The following MFSD1 variants were observed in gnomAD, a reference collection of about 807,000 sequenced individuals.
The protein encoded by MFSD1 is lysosomal dipeptide transporter MFSD1.
In MFSD1, 59 loss-of-function variants were observed where a neutral mutation model predicts 67.1. The observed-to-expected ratio is 0.88, with a 90% CI of 0.71 to 1.09. MFSD1 has a LOEUF of 1.09. Ranked by LOEUF, MFSD1 falls within the 50% of genes least tolerant of loss-of-function variation. MFSD1 has a pLI of 0.00. For synonymous variants in MFSD1, 213 were observed against 200.3 expected, an observed-to-expected ratio of 1.06 and a Z score of -0.54; for missense variants, 552 against 566.1, an observed-to-expected ratio of 0.97 and a Z score of 0.25.
intron 8 of MFSD1, 49 bp from the exon 9 acceptor site, chr3:158,820,166 C>T (rs1454921726): frequency 1.0e-6 from 1 of 1,002,562 alleles, no homozygotes; most frequent in East Asian, 2.4e-5. Context: ...ATGAAAGCTC[C>T]TTAGGTATGC....
At chr3:158,811,184 G>A (rs1268402019) in intron 6 of MFSD1, among the ~76,000 whole-genome samples, 4 of 152,200 alleles carry the variant, frequency 2.6e-5, no homozygotes, top group Non-Finnish European at 5.9e-5. Context: ...GAAAAACAAC[G>A]GAGGCGCTCA....
chr3:158,821,482 A>G, intron 9 of MFSD1, 115 bp from the exon 10 acceptor site: 1 of 665,634 alleles, frequency 1.5e-6, no homozygotes, highest in Non-Finnish European at 2.6e-6. Flanking sequence ...ATAAGGTGGG[A>G]GAATAATATC....
In MFSD1 at chr3:158,821,907, A is replaced by G. The variant is rs965662337; in HGVS notation, c.921-77A>G. On this transcript the variant is annotated intron_variant, in intron 10 of 15. Coordinates refer to ENST00000415822, the MANE Select transcript of MFSD1 (RefSeq NM_022736.4). ...AATGAGTTAGGATTTGCTTTGCCTG[A>G]TATTTTCAAGACTTTCTTGAAACTG... 15 of 1,472,676 alleles carry G rather than the reference A, an allele frequency of 1.0e-5. No individual in the cohort carries two copies. In the African/African-American group the frequency reaches 1.9e-4, roughly 19 times the overall value. The allele number at this position is 1,472,676 out of a possible 1,614,324, so 91.2% of individuals were successfully genotyped here.
rs767754362 is a variant in MFSD1 at position 158,813,999 on chromosome 3, T to C, written c.584T>C (p.Leu195Pro). Residue 195 changes from leucine to proline, a missense_variant, in exon 7 of 16, where the codon CTG (leucine) becomes CCG (proline). Physicochemically the swap from Leu to Pro is moderately conservative, Grantham distance 98. Coordinates refer to ENST00000415822, the MANE Select transcript of MFSD1 (RefSeq NM_022736.4). ...GTAAACATGAACCTCATGGGATGGC[T>C]GTATTCTAAGATTGAAGCTTTGTTA... ...STVNMNLMGW[L>P]YSKIEALLGS... 2.2e-5 allele frequency: 35 copies of C among 1,613,676 alleles called. No homozygotes were observed. The highest frequency in any genetic ancestry group is 3.0e-5 in the Non-Finnish European group (35 of 1,179,792).
At chr3:158,825,624 C>G (rs994625190) in intron 13 of MFSD1, among the ~76,000 whole-genome samples, 1 of 152,060 alleles carries the variant, frequency 6.6e-6, no homozygotes, top group Non-Finnish European at 1.5e-5. Flanking sequence ...CTTAAAGCCC[C>G]CAAAAGACTA....
At chr3:158,828,610 A>G (rs570213267) in intron 15 of MFSD1, among the ~76,000 whole-genome samples, 2 of 152,298 alleles carry the variant, frequency 1.3e-5, no homozygotes, top group South Asian at 4.1e-4. Context: ...AACATGCCGT[A>G]TGCTAAGTAA....
chr3:158,822,013 C>T lies in MFSD1; in HGVS notation c.950C>T (p.Ser317Phe). The T allele has an allele frequency of 6.2e-7, 1 of 1,613,782 alleles. No homozygotes were observed. Among genetic ancestry groups the T allele is most frequent in the Non-Finnish European group, 8.5e-7 (1 of 1,179,756 alleles). ...SVVYVISAPM[S>F]PVFGLLVDKT... ...GTATATGTCATATCAGCTCCCATGT[C>T]CCCGGTGTTTGGGCTCCTGGTGGAT... The change falls in exon 11 of 16, where the codon TCC becomes TTC. Residue 317 changes from serine (S) to phenylalanine (F), a missense_variant. Physicochemically the swap from Ser to Phe is radical, Grantham distance 155 (BLOSUM62 -2). Transcript: ENST00000415822.
chr3:158,809,146 A>T (rs777780393), intron 5 of MFSD1, 33 bp from the exon 6 acceptor site: 17 of 1,417,460 alleles, frequency 1.2e-5, no homozygotes, highest in African/African-American at 1.5e-5. Flanking sequence ...TAAAGTTGTG[A>T]CTTCTGGTTT....
In MFSD1 at chr3:158,809,251, C is replaced by A. The variant is rs775046193; in HGVS notation, c.513C>A (p.Asn171Lys). The A allele has an allele frequency of 1.2e-6, 2 of 1,603,338 alleles. No individual in the cohort carries two copies. The highest frequency in any genetic ancestry group is 3.4e-5 in the Admixed American group (2 of 58,990). ...AVSWFKGKEL[N>K]LVFGLQLSMA... Reference sequence around the variant, plus strand: ...GCTGGTTTAAAGGCAAAGAATTAAACCTGGTGTTTGGACTTCAACTTAGCA... The same window carrying A: ...GCTGGTTTAAAGGCAAAGAATTAAAACTGGTGTTTGGACTTCAACTTAGCA... The change falls in exon 6 of 16, where the codon AAC (asparagine) becomes AAA (lysine). Residue 171 changes from asparagine to lysine, a missense_variant. Coordinates refer to ENST00000415822, the MANE Select transcript of MFSD1 (RefSeq NM_022736.4).
chr3:158,807,103 C>G (rs1331902528), intron 4 of MFSD1, 21 bp downstream of exon 4: 1 of 1,600,144 alleles, frequency 6.2e-7, no homozygotes, highest in Non-Finnish European at 8.6e-7. Context: ...CCAAAACATT[C>G]ATTGATTATT....
intron 6 of MFSD1, among the ~76,000 whole-genome samples, chr3:158,811,686 C>T (rs1050982769): frequency 2.0e-5 from 3 of 152,144 alleles, no homozygotes; most frequent in Non-Finnish European, 4.4e-5. Flanking sequence ...ATGTCAACTG[C>T]GTGAAATGCT....
Position 158,802,058 on chromosome 3 carries a change from A to G in MFSD1, c.-95A>G, listed in dbSNP as rs1200884228. The G allele has an allele frequency of 6.5e-7, 1 of 1,550,048 alleles. No individual in the cohort carries two copies. The highest frequency in any genetic ancestry group is 1.4e-5 in the African/African-American group (1 of 73,822). ...GGGCGTCACGTGAGCTCCCGGAGTC[A>G]TGTGACCGCCGTCTTGACAGTGTTC... On this transcript the variant is annotated 5_prime_UTR_variant, in exon 1 of 16. The change abolishes an upstream ATG in the 5' untranslated region. Coordinates refer to ENST00000415822, the MANE Select transcript of MFSD1 (RefSeq NM_022736.4).
chr3:158,826,655 T>C (rs1460575349), intron 14 of MFSD1, among the ~76,000 whole-genome samples: 1 of 151,314 alleles, frequency 6.6e-6, no homozygotes, highest in Non-Finnish European at 1.5e-5. Context: ...TTTTTTATTT[T>C]AATAGTTTTT....
At chr3:158,823,740 G>A (rs1489066097) in intron 12 of MFSD1, among the ~76,000 whole-genome samples, 1 of 152,120 alleles carries the variant, frequency 6.6e-6, no homozygotes, top group East Asian at 1.9e-4. Flanking sequence ...CCCAGAAGAG[G>A]TCCTTGCTGA....
Position 158,802,158 on chromosome 3 carries a change from G to A in MFSD1, c.6G>A (p.Glu2=), listed in dbSNP as rs778155591. Residue 2 remains glutamate, a synonymous_variant, in exon 1 of 16, where the codon GAG becomes GAA. Coordinates refer to ENST00000415822, the MANE Select transcript of MFSD1 (RefSeq NM_022736.4). ...CTCCGTCTCCTGCGGGCGCAATGGAGGAGGAGGATGAGGAAGCGCGGGCGC... is the reference window on the plus strand; with the variant it reads ...CTCCGTCTCCTGCGGGCGCAATGGAAGAGGAGGATGAGGAAGCGCGGGCGC... M[E]EEDEEARALL... 4 of 1,612,772 alleles carry A rather than the reference G, an allele frequency of 2.5e-6. No homozygotes were observed. Among genetic ancestry groups the A allele is most frequent in the Non-Finnish European group, 3.4e-6 (4 of 1,179,700 alleles).
At chr3:158,817,737 T>A (rs1576908706) in intron 7 of MFSD1, among the ~76,000 whole-genome samples, 1 of 152,314 alleles carries the variant, frequency 6.6e-6, no homozygotes, top group Non-Finnish European at 1.5e-5. Flanking sequence ...TTCACAGAAT[T>A]GGAAAAAACT....
chr3:158,811,410 A>G (rs1246971595), intron 6 of MFSD1, among the ~76,000 whole-genome samples: 1 of 152,186 alleles, frequency 6.6e-6, no homozygotes, highest in Non-Finnish European at 1.5e-5. Context: ...AATTCAGGGG[A>G]AAAATCTGGG....
chr3:158,814,259 T>TC, intron 7 of MFSD1, among the ~76,000 whole-genome samples, 192 bp downstream of exon 7: 1 of 152,342 alleles, frequency 6.6e-6, no homozygotes, highest in East Asian at 1.9e-4. Flanking sequence ...ATTTCCACTT[T>TC]CTGAAAATGG....
chr3:158,808,756 A>G (rs543218476), intron 5 of MFSD1, among the ~76,000 whole-genome samples: 32 of 151,966 alleles, frequency 2.1e-4, no homozygotes, highest in African/African-American at 7.2e-4. Context: ...CTGGGGCCTC[A>G]GCTGGTAAGA....
Sources: allele counts gnomAD v4.1 joint callset (sites outside exome capture counted in the v4.1 genomes callset), GRCh38; gene constraint gnomAD v4.1.1; transcripts MANE v1.5; gene names NCBI Gene and HGNC (gene_info 2026-07-23, HGNC 2026-07-21).